The following KIF26B variants were observed in gnomAD, a reference collection of about 807,000 sequenced individuals.
The protein encoded by KIF26B is kinesin family member 26B, also known as kinesin-like protein KIF26B.
Under a neutral mutation model 151.2 loss-of-function variants are expected in KIF26B, and 63 were observed. The observed-to-expected ratio is 0.42, with a 90% CI of 0.34 to 0.51. The LOEUF (loss-of-function observed/expected upper bound fraction) is 0.51. KIF26B is among the 20% of genes least tolerant of loss of function. KIF26B has a pLI of 0.07. For missense variants in KIF26B, 2,813 were observed against 2,913.6 expected, an observed-to-expected ratio of 0.97 and a Z score of 0.79; for synonymous variants, 1,357 against 1,262.1, an observed-to-expected ratio of 1.08 and a Z score of -1.59.
chr1:245,676,955 G>A (rs188373746), intron 10 of KIF26B, among the ~76,000 whole-genome samples: 85 of 152,308 alleles, frequency 5.6e-4, no homozygotes, highest in Admixed American at 1.2e-3. Flanking sequence ...AAATGACCAG[G>A]ATGGTGTCGG....
intron 5 of KIF26B, among the ~76,000 whole-genome samples, chr1:245,580,409 G>A (rs34141257): frequency 0.29 from 44,379 of 152,132 alleles, 6,646 homozygotes; most frequent in African/African-American, 0.33. Flanking sequence ...CACTTAGATC[G>A]GGACTATTTA....
chr1:245,624,202 T>C (rs2043697150), intron 9 of KIF26B, among the ~76,000 whole-genome samples: 1 of 151,890 alleles, frequency 6.6e-6, no homozygotes, highest in Non-Finnish European at 1.5e-5. Flanking sequence ...CAGTCTAATA[T>C]ATATATGGAC....
chr1:245,351,218 C>T (rs1672561924), intron 2 of KIF26B, among the ~76,000 whole-genome samples: 1 of 152,172 alleles, frequency 6.6e-6, no homozygotes, highest in Non-Finnish European at 1.5e-5. Context: ...TCATCTTTGC[C>T]TCTCTCTAGA....
intron 10 of KIF26B, among the ~76,000 whole-genome samples, chr1:245,658,521 G>C (rs1287854240): frequency 6.6e-6 from 1 of 152,118 alleles, no homozygotes; most frequent in Non-Finnish European, 1.5e-5. Context: ...CTCCCATGTA[G>C]CTGGGACTAC....
chr1:245,591,773 G>A (rs1229210023), intron 5 of KIF26B, among the ~76,000 whole-genome samples: 1 of 152,138 alleles, frequency 6.6e-6, no homozygotes, highest in Non-Finnish European at 1.5e-5. Context: ...CTTCTAACTA[G>A]GCCACCGTCA....
chr1:245,432,146 A>G (rs772434555), intron 4 of KIF26B, among the ~76,000 whole-genome samples: 74 of 152,128 alleles, frequency 4.9e-4, no homozygotes, highest in Non-Finnish European at 3.5e-4. Flanking sequence ...GGTACCTGCT[A>G]CATTAGGAAT....
At chr1:245,491,204 C>T (rs1660403101) in intron 4 of KIF26B, among the ~76,000 whole-genome samples, 1 of 151,940 alleles carries the variant, frequency 6.6e-6, no homozygotes, top group Non-Finnish European at 1.5e-5. Flanking sequence ...TGAATTTCAA[C>T]CAGAGATGTA....
intron 3 of KIF26B, among the ~76,000 whole-genome samples, chr1:245,374,778 T>C (rs1036875415): frequency 6.6e-6 from 1 of 152,208 alleles, no homozygotes; most frequent in Admixed American, 6.5e-5. Context: ...AAAGAATCAA[T>C]TTGTATATTC....
intron 4 of KIF26B, among the ~76,000 whole-genome samples, chr1:245,506,591 G>A (rs1310565483): frequency 1.3e-5 from 2 of 152,162 alleles, no homozygotes; most frequent in African/African-American, 4.8e-5. Flanking sequence ...CAGCATCATA[G>A]AATACTACAG....
intron 4 of KIF26B, among the ~76,000 whole-genome samples, chr1:245,517,016 A>G (rs1166379421): frequency 1.3e-5 from 2 of 152,206 alleles, no homozygotes; most frequent in Non-Finnish European, 2.9e-5. Context: ...TAGTAAGTGT[A>G]GGCAAACATT....
At chr1:245,569,207 CTT>C (rs932212316) in intron 5 of KIF26B, among the ~76,000 whole-genome samples, 4 of 152,112 alleles carry the variant, frequency 2.6e-5, no homozygotes, top group Non-Finnish European at 5.9e-5. Context: ...CCTTCTTTCT[CTT>C]TGTTTACTCC....
rs199535347 is a variant in KIF26B, at chr1:245,253,009, ATT to A, written c.465+96343_465+96344del. Among the ~76,000 whole-genome samples the A allele has an allele frequency of 5.4e-3, 727 of 135,208 alleles. 10 individuals carry two copies. In the East Asian group the frequency reaches 0.075, roughly 14 times the overall value. The allele number at this position is 135,208 out of a possible 152,430, so 88.7% of individuals were successfully genotyped here. A position where few individuals can be genotyped will look rare whatever the true frequency, so the allele number is the denominator to read the frequency against. ...CATTGAGGTGATAATTTTTTTCTTA[ATT>A]TTTTTTTTTTTTTTTTGAGACGGAG... is the stretch of plus-strand genomic sequence containing the variant. On this transcript the variant is annotated intron_variant, in intron 2 of 14. Transcript: ENST00000407071.
intron 2 of KIF26B, among the ~76,000 whole-genome samples, chr1:245,203,130 C>T (rs1669334567): frequency 6.7e-6 from 1 of 150,356 alleles, no homozygotes; most frequent in Non-Finnish European, 1.5e-5. Context: ...GCCTATAGTC[C>T]CATCTACTTG....
chr1:245,346,211 G>A (rs981481184), intron 2 of KIF26B, among the ~76,000 whole-genome samples: 1 of 152,030 alleles, frequency 6.6e-6, no homozygotes, highest in Non-Finnish European at 1.5e-5. Flanking sequence ...CCAAAGTGCT[G>A]GGATAACAGG....
intron 4 of KIF26B, among the ~76,000 whole-genome samples, chr1:245,437,895 T>C (rs964968368): frequency 6.6e-6 from 1 of 152,226 alleles, no homozygotes; most frequent in Non-Finnish European, 1.5e-5. Flanking sequence ...TTGTTCAAGA[T>C]AAGGAAGTGA....
At position 245,169,332 on chromosome 1, in the gene KIF26B, T is replaced by TGTGGGG. The variant is rs780111536; in HGVS notation, c.465+12652_465+12653insGGGGTG. Among the ~76,000 whole-genome samples the TGTGGGG allele has an allele frequency of 3.8e-4, 56 of 148,124 alleles. 1 individual carries two copies. Among genetic ancestry groups the TGTGGGG allele is most frequent in the Non-Finnish European group, 5.6e-4 (38 of 67,388 alleles). On this transcript the variant is annotated intron_variant, in intron 2 of 14. Transcript: ENST00000407071. ...CTCGACTTTCTAACGGGCCATGGTGTGTGTGTGTGTGTGTGTGTGTGTGTG... is the reference window on the plus strand; with the variant it reads ...CTCGACTTTCTAACGGGCCATGGTGTGTGGGGGTGTGTGTGTGTGTGTGTGTGTGTG...
chr1:245,468,812 C>A (rs931285781), intron 4 of KIF26B, among the ~76,000 whole-genome samples: 1 of 152,158 alleles, frequency 6.6e-6, no homozygotes, highest in African/African-American at 2.4e-5. Flanking sequence ...TTCTTTCCCC[C>A]TCGCTATGCT....
intron 12 of KIF26B, among the ~76,000 whole-genome samples, chr1:245,689,036 C>T (rs548055804): frequency 7.9e-5 from 12 of 152,276 alleles, no homozygotes; most frequent in Admixed American, 6.5e-4. Flanking sequence ...CGCGGGGCTC[C>T]GCCGGGGACA....
chr1:245,463,133 G>A (rs1192886895), intron 4 of KIF26B, among the ~76,000 whole-genome samples: 2 of 152,164 alleles, frequency 1.3e-5, no homozygotes, highest in Non-Finnish European at 2.9e-5. Context: ...GGTAGGAACA[G>A]CACTCACCAC....
Sources: gnomAD v4.1 joint callset for allele counts (sites outside exome capture counted in the v4.1 genomes callset) on GRCh38, gnomAD v4.1.1 for gene constraint, MANE v1.5 for transcripts, NCBI Gene and HGNC (gene_info 2026-07-23, HGNC 2026-07-21) for gene names.